DPY19L4: variants seen among roughly 807,000 people sequenced by gnomAD.
The protein encoded by DPY19L4 is probable C-mannosyltransferase DPY19L4.
In DPY19L4, 97 loss-of-function variants were observed where a neutral mutation model predicts 102.8. That is an observed-to-expected ratio of 0.94 (90% CI 0.80 to 1.12). The LOEUF (loss-of-function observed/expected upper bound fraction) is 1.12, where lower values mean the gene tolerates loss of function less well. Among genes scored for constraint, DPY19L4 ranks in the 50% most tolerant of loss-of-function variants. DPY19L4 has a pLI of 0.00. For missense variants in DPY19L4, 815 were observed against 850.4 expected (o/e 0.96, Z 0.52); for synonymous variants, 252 against 283.1 (o/e 0.89, Z 1.10).
chr8:94,739,272 T>C, intron 4 of DPY19L4, 141 bp from the exon 5 acceptor site: 1 of 1,046,616 alleles, frequency 9.6e-7, no homozygotes, highest in Non-Finnish European at 1.3e-6. Context: ...GTGCTAAATT[T>C]TTAAAAAATG....
At chr8:94,785,631 A>G (rs1194352707) in intron 17 of DPY19L4, among the ~76,000 whole-genome samples, 1 of 152,190 alleles carries the variant, frequency 6.6e-6, no homozygotes. Flanking sequence ...CAGTCGAATG[A>G]TTAGATCTGC....
intron 2 of DPY19L4, among the ~76,000 whole-genome samples, chr8:94,727,783 C>T (rs1340529389): frequency 6.6e-6 from 1 of 152,074 alleles, no homozygotes; most frequent in Non-Finnish European, 1.5e-5. Flanking sequence ...GTATCCTCTG[C>T]CTACCATGTC....
At chr8:94,754,095 G>A (rs894115705) in intron 6 of DPY19L4, among the ~76,000 whole-genome samples, 1 of 151,970 alleles carries the variant, frequency 6.6e-6, no homozygotes, top group African/African-American at 2.4e-5. Context: ...GAGGTGGGAG[G>A]ATCATCTGAG....
At chr8:94,744,619 A>G (rs753712573) in intron 6 of DPY19L4, 2 of 453,762 alleles carry the variant, frequency 4.4e-6, no homozygotes, top group Admixed American at 4.7e-5. Context: ...TGTAATCCCT[A>G]TATCTGTCTT....
intron 7 of DPY19L4, among the ~76,000 whole-genome samples, chr8:94,761,034 G>T (rs1292892903): frequency 6.6e-6 from 1 of 152,214 alleles, no homozygotes; most frequent in African/African-American, 2.4e-5. Context: ...AATAGGCTGA[G>T]ATGTAAGCAG....
Position 94,738,452 on chromosome 8 carries a change from T to G in DPY19L4, c.336T>G (p.Phe112Leu). 1 of 1,525,680 alleles carries G rather than the reference T, an allele frequency of 6.6e-7. No individual in the cohort carries two copies. Among genetic ancestry groups the G allele is most frequent in the Non-Finnish European group, 8.8e-7 (1 of 1,130,370 alleles). 94.5% of individuals were successfully genotyped at this position (1,525,680 alleles called of 1,614,324 possible). A position where few individuals can be genotyped will look rare whatever the true frequency, so the allele number is the denominator to read the frequency against. ...AAGATATGTTAAAGGCACCTTCATT[T>G]GAAAGAGGTATGATAATCACAGTTA... ...YYKDMLKAPS[F>L]ERGVYELTHN... Residue 112 changes from phenylalanine (F) to leucine (L), a missense_variant, in exon 4 of 19, where the codon TTT (phenylalanine) becomes TTG (leucine). Transcript: ENST00000414645.
intron 3 of DPY19L4, among the ~76,000 whole-genome samples, chr8:94,736,786 C>CTGT (rs1586325596): frequency 2.0e-5 from 3 of 152,318 alleles, no homozygotes. Flanking sequence ...TAAAGACTTG[C>CTGT]TGTTCTGCAT....
At chr8:94,772,940 G>A (rs1445835511) in intron 13 of DPY19L4, among the ~76,000 whole-genome samples, 2 of 152,126 alleles carry the variant, frequency 1.3e-5, no homozygotes, top group African/African-American at 4.8e-5. Context: ...GGCCAGGCAT[G>A]GTGGCTCATG....
rs1476356235 is a variant in DPY19L4, at chr8:94,768,403, C to T, written c.1184C>T (p.Thr395Ile). 6.3e-7 allele frequency: 1 copy of T among 1,592,424 alleles called. No individual in the cohort carries two copies. Among genetic ancestry groups the T allele is most frequent in the Admixed American group, 1.9e-5 (1 of 53,622 alleles). ...KFGLNMTKNFTMNWLLCQESL... is the reference protein window; with the variant it reads ...KFGLNMTKNFIMNWLLCQESL... ...CTTTTTGTCTTCTATAGGAATTTTA[C>T]AATGAATTGGCTCCTCTGTCAAGAA... is the stretch of plus-strand genomic sequence containing the variant. Residue 395 changes from threonine to isoleucine, a missense_variant, in exon 12 of 19, where the codon ACA becomes ATA. Physicochemically the swap from Thr to Ile is moderately conservative, Grantham distance 89. Transcript: ENST00000414645.
At chr8:94,764,689 G>GTGTATATATATA (rs1415377058) in intron 8 of DPY19L4, among the ~76,000 whole-genome samples, 1 of 43,212 alleles carries the variant, frequency 2.3e-5, no homozygotes, top group Non-Finnish European at 3.7e-5. Context: ...GTCTGTGTGT[G>GTGTATATATATA]TATATATATA....
chr8:94,728,746 A>G (rs1197298842), intron 2 of DPY19L4, among the ~76,000 whole-genome samples: 1 of 152,246 alleles, frequency 6.6e-6, no homozygotes, highest in African/African-American at 2.4e-5. Flanking sequence ...ACAGAATGTT[A>G]CTAGAGTGCC....
chr8:94,744,222 C>T (rs74344653), intron 6 of DPY19L4: 11,683 of 392,106 alleles, frequency 0.03, 244 homozygotes, highest in Non-Finnish European at 0.039. Flanking sequence ...CGTCTGAAGG[C>T]CTGGCTGGGC....
At chr8:94,765,679 ACTT>A (rs778349263) in intron 9 of DPY19L4, 29 bp from the exon 10 acceptor site, 2 of 1,464,456 alleles carry the variant, frequency 1.4e-6, no homozygotes, top group African/African-American at 2.8e-5. Context: ...TTAACACCTC[ACTT>A]CTTTGTTCAT....
At chr8:94,778,384 G>A (rs1349745998) in intron 14 of DPY19L4, among the ~76,000 whole-genome samples, 1 of 152,130 alleles carries the variant, frequency 6.6e-6, no homozygotes, top group Non-Finnish European at 1.5e-5. Context: ...TAGAACTATG[G>A]TATATTTTCT....
At chr8:94,767,367 C>T (rs1207102511) in intron 11 of DPY19L4, among the ~76,000 whole-genome samples, 1 of 149,696 alleles carries the variant, frequency 6.7e-6, no homozygotes, top group Non-Finnish European at 1.5e-5. Flanking sequence ...GATCTCGGCT[C>T]ACTGCAAGCT....
At chr8:94,727,014 ACTCT>A (rs766155165) in intron 2 of DPY19L4, among the ~76,000 whole-genome samples, 8 of 151,920 alleles carry the variant, frequency 5.3e-5, no homozygotes, top group Admixed American at 6.6e-5. Flanking sequence ...ACACCCGAAA[ACTCT>A]CTCTTATCTA....
chr8:94,752,952 A>G (rs893995471), intron 6 of DPY19L4, among the ~76,000 whole-genome samples: 3 of 151,816 alleles, frequency 2.0e-5, no homozygotes, highest in African/African-American at 7.3e-5. Flanking sequence ...GGCGTGAGCC[A>G]CAGTGCCCGG....
Position 94,781,095 on chromosome 8 carries a change from A to G in DPY19L4, c.1644A>G (p.Arg548=). 6.4e-7 allele frequency: 1 copy of G among 1,558,658 alleles called. No individual in the cohort carries two copies. The highest frequency in any genetic ancestry group is 1.2e-5 in the South Asian group (1 of 82,440). ...GLSLWKEFFP[R]LMTELMELQE... is the part of the protein sequence containing the mutation. ...TTTTTGCATTTTAGTTTTTTCCCAG[A>G]TTAATGACAGAATTAATGGAACTAC... is the stretch of plus-strand genomic sequence containing the variant. The change falls in exon 16 of 19, where the codon AGA becomes AGG. Residue 548 remains arginine (R), a synonymous_variant. Transcript: ENST00000414645.
chr8:94,781,083 GT>G lies in DPY19L4; in HGVS notation c.1638del (p.Arg548AspfsTer2). ...TTTTTTTTTTTTTTTTTGCATTTTA[GT>G]TTTTTCCCAGATTAATGACAGAATT... ...TIIGLSLWKE[F>X]FPRLMTELME... On this transcript the variant is annotated frameshift_variant and splice_region_variant, in exon 16 of 19. Coordinates refer to ENST00000414645, the MANE Select transcript of DPY19L4 (RefSeq NM_181787.3). LOFTEE classifies it high-confidence loss of function. The G allele has an allele frequency of 9.9e-7, 1 of 1,013,722 alleles. No homozygotes were observed. Among genetic ancestry groups the G allele is most frequent in the Non-Finnish European group, 1.3e-6 (1 of 749,330 alleles). The allele number at this position is 1,013,722 out of a possible 1,614,324, so 62.8% of individuals were successfully genotyped here. A position where few individuals can be genotyped will look rare whatever the true frequency, so the allele number is the denominator to read the frequency against.
Sources: gnomAD v4.1 joint callset for allele counts (sites outside exome capture counted in the v4.1 genomes callset) on GRCh38, gnomAD v4.1.1 for gene constraint, MANE v1.5 for transcripts, NCBI Gene and HGNC (gene_info 2026-07-23, HGNC 2026-07-21) for gene names.